The following BCAS1 variants were observed in gnomAD, a reference collection of about 807,000 sequenced individuals.
BCAS1 encodes the protein brain enriched myelin associated protein 1.
Under a neutral mutation model 65.4 loss-of-function variants are expected in BCAS1, and 46 were observed. The ratio of observed to expected loss-of-function variants is 0.70; its 90% CI spans 0.55 to 0.90. BCAS1 has a LOEUF of 0.90. Among genes scored for constraint, BCAS1 ranks in the 40% least tolerant of loss-of-function variants. The pLI is 0.00. For missense variants in BCAS1, 793 were observed against 771.2 expected (o/e 1.03, Z -0.33); for synonymous variants, 298 against 293.5 (o/e 1.02, Z -0.16).
At chr20:54,061,379 CCAAAGGCCTGCTGTCTTGCCACCTA>C (rs1282372190) in intron 1 of BCAS1, among the ~76,000 whole-genome samples, 2 of 152,228 alleles carry the variant, frequency 1.3e-5, no homozygotes, top group African/African-American at 2.4e-5. Context: ...TGCAGCCACT[CCAAAGGCCTGCTGTCTTGCCACCTA>C]AAGTTCTTTT....
Position 53,944,959 on chromosome 20 carries a change from T to G in BCAS1, c.1853A>C (p.Asp618Ala), listed in dbSNP as rs749945110. ...GCCAACTGGTCCGATGGATACTGGG[T>G]CTGTTTGCACTTGAGCATCCAACAT... ...KRMLDAQVQT[D>A]PVSIGPVGKS... Residue 618 changes from aspartate (D) to alanine (A), a missense_variant, in exon 13 of 13, where the codon GAC becomes GCC. Coordinates refer to ENST00000688948, the MANE Select transcript of BCAS1 (RefSeq NM_001366298.2). The G allele has an allele frequency of 3.1e-6, 5 of 1,614,086 alleles. No individual in the cohort carries two copies. Among genetic ancestry groups the G allele is most frequent in the Non-Finnish European group, 3.4e-6 (4 of 1,179,996 alleles).
intron 7 of BCAS1, among the ~76,000 whole-genome samples, chr20:53,991,735 TATTGGA>T (rs2090765471): frequency 6.6e-6 from 1 of 152,234 alleles, no homozygotes; most frequent in Non-Finnish European, 1.5e-5. Flanking sequence ...GCTTAGTTAA[TATTGGA>T]AATAGATGAA....
rs1350185573 is a variant in BCAS1 at position 53,992,505 on chromosome 20, T to TA, written c.1062+6dup. 1.5e-6 allele frequency: 2 copies of TA among 1,365,938 alleles called. No individual in the cohort carries two copies. The highest frequency in any genetic ancestry group is 2.0e-6 in the Non-Finnish European group (2 of 1,021,744). 84.6% of individuals were successfully genotyped at this position (1,365,938 alleles called of 1,614,324 possible). A position where few individuals can be genotyped will look rare whatever the true frequency, so the allele number is the denominator to read the frequency against. On this transcript the variant is annotated splice_region_variant and intron_variant, in intron 7 of 12. Transcript: ENST00000688948. Reference sequence around the variant, plus strand: ...TGTTTTTCCTCCTACTTTAATAAGATACAGACCTTATGCCTAAAGAATTTT... The same window carrying TA: ...TGTTTTTCCTCCTACTTTAATAAGATAACAGACCTTATGCCTAAAGAATTTT...
chr20:54,058,058 A>G, intron 3 of BCAS1, 27 bp downstream of exon 3: 1 of 1,577,500 alleles, frequency 6.3e-7, no homozygotes, highest in Non-Finnish European at 8.7e-7. Context: ...ACGAGAGGGT[A>G]GATGCCCTTC....
At chr20:54,022,042 T>C (rs2091571249) in intron 4 of BCAS1, among the ~76,000 whole-genome samples, 1 of 152,240 alleles carries the variant, frequency 6.6e-6, no homozygotes, top group Admixed American at 6.5e-5. Context: ...TGTGTAAAAA[T>C]GCAGCATCTG....
intron 3 of BCAS1, among the ~76,000 whole-genome samples, chr20:54,044,202 T>C (rs2299700): frequency 0.13 from 20,285 of 152,224 alleles, 1,585 homozygotes; most frequent in Non-Finnish European, 0.17. Context: ...GCAGCTGTTG[T>C]TATTTCTCAA....
At chr20:54,025,434 A>G (rs550737830) in intron 4 of BCAS1, among the ~76,000 whole-genome samples, 7 of 152,332 alleles carry the variant, frequency 4.6e-5, no homozygotes, top group African/African-American at 1.7e-4. Flanking sequence ...CCTATGTAGT[A>G]AACGCTTCAT....
At chr20:53,965,731 A>G (rs577460705) in intron 10 of BCAS1, among the ~76,000 whole-genome samples, 1 of 152,322 alleles carries the variant, frequency 6.6e-6, no homozygotes, top group South Asian at 2.1e-4. Context: ...AATTTTTGCC[A>G]TATCTTTATA....
chr20:53,971,893 TA>T (rs2090189474), intron 9 of BCAS1, among the ~76,000 whole-genome samples: 1 of 152,246 alleles, frequency 6.6e-6, no homozygotes, highest in African/African-American at 2.4e-5. Context: ...ATATTTTTTT[TA>T]TTACAACTGA....
intron 1 of BCAS1, among the ~76,000 whole-genome samples, chr20:54,060,324 T>G (rs1457826994): frequency 1.3e-5 from 2 of 152,210 alleles, no homozygotes; most frequent in Non-Finnish European, 2.9e-5. Context: ...AAAAGTAATT[T>G]TTTTTTGAGA....
chr20:53,989,903 CTTATAT>C, intron 7 of BCAS1, among the ~76,000 whole-genome samples: 1 of 152,068 alleles, frequency 6.6e-6, no homozygotes, highest in Non-Finnish European at 1.5e-5. Flanking sequence ...ATGGGACATA[CTTATAT>C]TTAAATTAAA....
intron 7 of BCAS1, among the ~76,000 whole-genome samples, chr20:53,986,006 T>C (rs946921147): frequency 6.6e-6 from 1 of 152,216 alleles, no homozygotes; most frequent in African/African-American, 2.4e-5. Flanking sequence ...ACTTTGGGGA[T>C]GACTGAGTTA....
intron 8 of BCAS1, among the ~76,000 whole-genome samples, chr20:53,976,963 T>C (rs2090350566): frequency 6.6e-6 from 1 of 152,208 alleles, no homozygotes; most frequent in Non-Finnish European, 1.5e-5. Context: ...TATAAAGATA[T>C]ACCTGAGACT....
rs11480819 is a variant in BCAS1, at chr20:54,015,049, A to ATTT, written c.723+13340_723+13342dup. Among the ~76,000 whole-genome samples, 442 of 146,570 alleles carry ATTT rather than the reference A, an allele frequency of 3.0e-3. 2 individuals are homozygous for ATTT. The highest frequency in any genetic ancestry group is 0.01 in the African/African-American group (403 of 39,992). On this transcript the variant is annotated intron_variant, in intron 4 of 12. Coordinates refer to ENST00000688948, the MANE Select transcript of BCAS1 (RefSeq NM_001366298.2). ...CTCAGAATTTCCTAAGCAGACTATG[A>ATTT]TTTTTTTTTTTTTTGAGATGTTGCC...
chr20:53,996,461 T>TAAAAAAAAAAAAAAAAA (rs143929524), intron 4 of BCAS1, among the ~76,000 whole-genome samples: 2 of 92,178 alleles, frequency 2.2e-5, no homozygotes, highest in East Asian at 3.8e-4. Flanking sequence ...TTATATCAAC[T>TAAAAAAAAAAAAAAAAA]AAAAAAAAAA....
intron 3 of BCAS1, among the ~76,000 whole-genome samples, chr20:54,032,893 A>G (rs2189502): frequency 0.19 from 28,694 of 150,716 alleles, 3,471 homozygotes; most frequent in East Asian, 0.3. Context: ...TTAATACCCC[A>G]TGACAATATT....
chr20:53,950,140 CACAGCCCGT>C (rs71196436), intron 12 of BCAS1, among the ~76,000 whole-genome samples: 22,408 of 138,238 alleles, frequency 0.16, 1,960 homozygotes, highest in East Asian at 0.4. Context: ...GCATTCCTTG[CACAGCCCGT>C]ACAGCCTGCA....
intron 4 of BCAS1, among the ~76,000 whole-genome samples, chr20:54,000,572 TCTC>T (rs1202265254): frequency 6.6e-6 from 1 of 152,178 alleles, no homozygotes; most frequent in East Asian, 1.9e-4. Flanking sequence ...TCTCCTTTTC[TCTC>T]CTTTCATGGA....
At chr20:54,034,298 G>T (rs756034573) in intron 3 of BCAS1, among the ~76,000 whole-genome samples, 4 of 151,322 alleles carry the variant, frequency 2.6e-5, no homozygotes, top group Non-Finnish European at 4.4e-5. Flanking sequence ...TCGGGCAAGA[G>T]AAATAAATAA....
Sources: gnomAD v4.1 joint callset for allele counts (sites outside exome capture counted in the v4.1 genomes callset) on GRCh38, gnomAD v4.1.1 for gene constraint, MANE v1.5 for transcripts, NCBI Gene and HGNC (gene_info 2026-07-23, HGNC 2026-07-21) for gene names.